The following PTER variants were observed in gnomAD, a reference collection of about 807,000 sequenced individuals.
The protein encoded by PTER is N-acetyltaurine hydrolase.
In PTER, 38 loss-of-function variants were observed where a neutral mutation model predicts 29.6. The ratio of observed to expected loss-of-function variants is 1.28; its 90% CI spans 0.99 to 1.68. The LOEUF is 1.68. Ranked by LOEUF, PTER falls within the 40% of genes most tolerant of loss-of-function variation. The pLI is 0.00. For missense variants in PTER, 482 were observed against 427.8 expected, an observed-to-expected ratio of 1.13 and a Z score of -1.12; for synonymous variants, 172 against 154.5, an observed-to-expected ratio of 1.11 and a Z score of -0.84.
At chr10:16,470,775 A>T (rs1464283194) in intron 1 of PTER, among the ~76,000 whole-genome samples, 1 of 152,016 alleles carries the variant, frequency 6.6e-6, no homozygotes, top group Non-Finnish European at 1.5e-5. Context: ...CTCAAAAAAA[A>T]CAAAAAAAAT....
At chr10:16,445,381 T>C (rs1209039651) in intron 1 of PTER, among the ~76,000 whole-genome samples, 3 of 152,198 alleles carry the variant, frequency 2.0e-5, no homozygotes, top group Non-Finnish European at 4.4e-5. Flanking sequence ...CACTGCACTC[T>C]AGCCTGGGCG....
intron 1 of PTER, among the ~76,000 whole-genome samples, chr10:16,460,291 A>T (rs2133390115): frequency 6.6e-6 from 1 of 152,324 alleles, no homozygotes; most frequent in South Asian, 2.1e-4. Context: ...AGAGACAAGA[A>T]TAACTAATTT....
chr10:16,504,910 G>A (rs1162277106), intron 3 of PTER, 110 bp from the exon 4 acceptor site: 32 of 1,248,658 alleles, frequency 2.6e-5, no homozygotes, highest in Middle Eastern at 2.0e-4. Context: ...TCTGTTACTC[G>A]ACTTCAACTA....
At chr10:16,479,828 C>T (rs1404649038) in intron 1 of PTER, among the ~76,000 whole-genome samples, 2 of 151,742 alleles carry the variant, frequency 1.3e-5, no homozygotes, top group Admixed American at 6.6e-5. Context: ...CAACGGGCCC[C>T]CTCCCTTCAT....
intron 1 of PTER, among the ~76,000 whole-genome samples, chr10:16,454,189 T>TC (rs1356411306): frequency 5.9e-5 from 9 of 152,204 alleles, no homozygotes; most frequent in African/African-American, 2.2e-4. Flanking sequence ...GTCAACCAAC[T>TC]CCACTTCTAA....
At chr10:16,485,340 T>G (rs753389732) in intron 2 of PTER, among the ~76,000 whole-genome samples, 1 of 152,208 alleles carries the variant, frequency 6.6e-6, no homozygotes, top group Non-Finnish European at 1.5e-5. Flanking sequence ...CCCCTGTGTT[T>G]TGTCATAATA....
At chr10:16,500,053 T>G (rs1382750307) in intron 3 of PTER, among the ~76,000 whole-genome samples, 1 of 124,454 alleles carries the variant, frequency 8.0e-6, no homozygotes, top group African/African-American at 2.9e-5. Context: ...CCCCTTTTTT[T>G]TTAACTGCAT....
At chr10:16,442,965 C>CT (rs1282130767) in intron 1 of PTER, among the ~76,000 whole-genome samples, 2 of 152,066 alleles carry the variant, frequency 1.3e-5, no homozygotes, top group Non-Finnish European at 2.9e-5. Flanking sequence ...GAGTGATACT[C>CT]TGTCTCAAAA....
chr10:16,447,260 AT>A (rs1008019019), intron 1 of PTER, among the ~76,000 whole-genome samples: 233 of 142,160 alleles, frequency 1.6e-3, no homozygotes, highest in Non-Finnish European at 1.7e-3. Flanking sequence ...GCCACACCTA[AT>A]TTTTTTTTTT....
At chr10:16,508,321 G>A (rs1836671206) in intron 4 of PTER, among the ~76,000 whole-genome samples, 1 of 152,128 alleles carries the variant, frequency 6.6e-6, no homozygotes, top group South Asian at 2.1e-4. Flanking sequence ...GCCCGCCTCG[G>A]CCTCCTAAAG....
At chr10:16,503,429 G>A (rs374896439) in intron 3 of PTER, among the ~76,000 whole-genome samples, 21 of 151,784 alleles carry the variant, frequency 1.4e-4, no homozygotes, top group African/African-American at 5.1e-4. Context: ...TTTTGAGACA[G>A]AGTCTCACTC....
At chr10:16,503,491 G>T (rs577505828) in intron 3 of PTER, among the ~76,000 whole-genome samples, 1 of 151,900 alleles carries the variant, frequency 6.6e-6, no homozygotes, top group Admixed American at 6.5e-5. Flanking sequence ...TGCAACCTCC[G>T]TCTCCCAGGT....
At chr10:16,448,545 T>G (rs1258525824) in intron 1 of PTER, among the ~76,000 whole-genome samples, 2 of 152,158 alleles carry the variant, frequency 1.3e-5, no homozygotes, top group African/African-American at 4.8e-5. Flanking sequence ...CCCACACCGC[T>G]GGACCCCTGG....
At chr10:16,484,927 C>A in intron 2 of PTER, 111 bp downstream of exon 2, 1 of 1,237,502 alleles carries the variant, frequency 8.1e-7, no homozygotes, top group Non-Finnish European at 1.1e-6. Context: ...AATTTGCTAG[C>A]TAGCAAAGAC....
intron 3 of PTER, among the ~76,000 whole-genome samples, chr10:16,500,022 C>T (rs1331862445): frequency 1.3e-5 from 2 of 149,274 alleles, no homozygotes; most frequent in Admixed American, 6.8e-5. Flanking sequence ...AGGCATGAGC[C>T]ACTCACTGCA....
At chr10:16,478,721 C>G (rs1040624410) in intron 1 of PTER, among the ~76,000 whole-genome samples, 1 of 152,024 alleles carries the variant, frequency 6.6e-6, no homozygotes, top group South Asian at 2.1e-4. Context: ...GTTTGTAGAC[C>G]ACAGTCTACA....
Position 16,479,486 on chromosome 10 carries a change from A to T in PTER, c.-48-4851A>T, listed in dbSNP as rs976102691. Among the ~76,000 whole-genome samples the T allele has an allele frequency of 2.8e-5, 4 of 142,032 alleles. No homozygotes were observed. The South Asian group carries it at 6.5e-4, about 23-fold the overall frequency. The allele number at this position is 142,032 out of a possible 152,430, so 93.2% of individuals were successfully genotyped here. A position where few individuals can be genotyped will look rare whatever the true frequency, so the allele number is the denominator to read the frequency against. On this transcript the variant is annotated intron_variant, in intron 1 of 4. Coordinates refer to ENST00000535784, the MANE Select transcript of PTER (RefSeq NM_001261836.2). Reference sequence around the variant, plus strand: ...CAATGGAAGTATTCAAACAAGCTTTAAAAAAAAAAAGGATGCATTTAAAAA... The same window carrying T: ...CAATGGAAGTATTCAAACAAGCTTTTAAAAAAAAAAGGATGCATTTAAAAA...
intron 1 of PTER, among the ~76,000 whole-genome samples, chr10:16,469,885 TTTTG>T (rs1301645261): frequency 2.1e-5 from 3 of 141,300 alleles, no homozygotes; most frequent in African/African-American, 8.6e-5. Context: ...TGGCTGTTTT[TTTTG>T]TTTGTTTTTT....
chr10:16,473,295 G>T lies in PTER; in HGVS notation c.-48-11042G>T, dbSNP rs111775154. 4.3e-3 allele frequency among the ~76,000 whole-genome samples: 647 copies of T among 151,822 alleles called. 9 individuals carry two copies. The highest frequency in any genetic ancestry group is 0.015 in the African/African-American group (609 of 41,394). ...TGAAGTCAAAGGAAGATAAATCCAC[G>T]CAGTGCTGGAATATACTGTGGAACC... On this transcript the variant is annotated intron_variant, in intron 1 of 4. Transcript: ENST00000535784.
Sources: allele counts gnomAD v4.1 joint callset (sites outside exome capture counted in the v4.1 genomes callset), GRCh38; gene constraint gnomAD v4.1.1; transcripts MANE v1.5; gene names NCBI Gene and HGNC (gene_info 2026-07-23, HGNC 2026-07-21).